Variants in HNF4G observed in about 807,000 individuals in gnomAD.
HNF4G encodes hepatocyte nuclear factor 4-gamma.
A neutral mutation model predicts 50.9 loss-of-function variants in HNF4G; 21 were observed. The ratio of observed to expected loss-of-function variants is 0.41; its 90% confidence interval spans 0.29 to 0.59. The LOEUF (loss-of-function observed/expected upper bound fraction) is 0.59, where lower values mean the gene tolerates loss of function less well. Among genes scored for constraint, HNF4G ranks in the 20% least tolerant of loss-of-function variants. The probability of loss-of-function intolerance (pLI) is 0.26; values close to 1 mark genes in which losing one functional copy is unlikely to be tolerated. For missense variants in HNF4G, 527 were observed against 559.4 expected (o/e 0.94, Z 0.58); for synonymous variants, 198 against 185.6 (o/e 1.07, Z -0.54).
At chr8:75,449,064 A>G (rs1811509456) in intron 1 of HNF4G, among the ~76,000 whole-genome samples, 1 of 152,162 alleles carries the variant, frequency 6.6e-6, no homozygotes, top group South Asian at 2.1e-4. Flanking sequence ...AAGGGCCCCA[A>G]AAAGTTGTTT....
chr8:75,436,170 A>G (rs1396495146), intron 1 of HNF4G, among the ~76,000 whole-genome samples: 2 of 152,220 alleles, frequency 1.3e-5, no homozygotes, highest in Non-Finnish European at 2.9e-5. Flanking sequence ...AATAAATTAA[A>G]AAATATATTG....
intron 9 of HNF4G, among the ~76,000 whole-genome samples, chr8:75,563,267 A>G (rs986141427): frequency 6.6e-6 from 1 of 152,190 alleles, no homozygotes; most frequent in Admixed American, 6.5e-5. Flanking sequence ...ATTTTACAAT[A>G]GAAAGAACTA....
Position 75,564,724 on chromosome 8 carries a change from C to A in HNF4G, c.*628C>A, listed in dbSNP as rs2941479. On this transcript the variant is annotated 3_prime_UTR_variant, in exon 10 of 10. Coordinates refer to ENST00000396423, the MANE Select transcript of HNF4G (RefSeq NM_004133.5). ...TGGATACTTTTTGAAATCTGACTTTCTTTGAAGATGTATGTTAAGCAAAAA... is the reference window on the plus strand; with the variant it reads ...TGGATACTTTTTGAAATCTGACTTTATTTGAAGATGTATGTTAAGCAAAAA... 0.64 allele frequency: 96,601 copies of A among 152,072 alleles called. 32,187 individuals are homozygous for A. The highest frequency in any genetic ancestry group is 0.84 in the African/African-American group (34,665 of 41,514). The allele number at this position is 152,072 out of a possible 1,614,324, so 9.4% of individuals were successfully genotyped here. A position where few individuals can be genotyped will look rare whatever the true frequency, so the allele number is the denominator to read the frequency against.
chr8:75,552,985 G>T (rs1807004990), intron 4 of HNF4G, 57 bp from the exon 5 acceptor site: 2 of 1,261,246 alleles, frequency 1.6e-6, no homozygotes, highest in African/African-American at 3.0e-5. Flanking sequence ...AGAAAAAAAG[G>T]GGAATGTTGG....
intron 1 of HNF4G, among the ~76,000 whole-genome samples, chr8:75,474,842 T>C (rs1049474953): frequency 6.6e-6 from 1 of 151,720 alleles, no homozygotes; most frequent in African/African-American, 2.4e-5. Flanking sequence ...GTATTACAGG[T>C]GCCTGCCACC....
chr8:75,531,141 T>C (rs903748896), intron 2 of HNF4G, among the ~76,000 whole-genome samples: 3 of 152,004 alleles, frequency 2.0e-5, no homozygotes, highest in African/African-American at 7.3e-5. Flanking sequence ...CAAGAACCCT[T>C]TGAGATAGAA....
chr8:75,560,802 T>C (rs1328803963), intron 9 of HNF4G, among the ~76,000 whole-genome samples: 3 of 152,124 alleles, frequency 2.0e-5, no homozygotes, highest in Non-Finnish European at 4.4e-5. Context: ...TAATAATCAA[T>C]GGGAAAATTA....
chr8:75,498,182 A>G (rs1331864613), intron 2 of HNF4G, among the ~76,000 whole-genome samples: 1 of 152,160 alleles, frequency 6.6e-6, no homozygotes, highest in South Asian at 2.1e-4. Context: ...ATTTTGAGGT[A>G]TATTATTCAA....
At chr8:75,552,947 TC>T in intron 4 of HNF4G, 94 bp from the exon 5 acceptor site, 1 of 770,030 alleles carries the variant, frequency 1.3e-6, no homozygotes, top group East Asian at 2.7e-5. Context: ...AGTGCCTACT[TC>T]TATGGCCTTT....
intron 2 of HNF4G, among the ~76,000 whole-genome samples, chr8:75,493,479 C>T (rs566842027): frequency 1.3e-5 from 2 of 152,092 alleles, no homozygotes; most frequent in East Asian, 3.9e-4. Flanking sequence ...AGAGATTGTC[C>T]ATTTGACTGC....
At chr8:75,543,023 A>G (rs1409325782) in intron 1 of HNF4G, among the ~76,000 whole-genome samples, 1 of 152,142 alleles carries the variant, frequency 6.6e-6, no homozygotes, top group Non-Finnish European at 1.5e-5. Context: ...CCTGGCCAAC[A>G]TGGTGAAACC....
At chr8:75,493,168 G>A (rs891369119) in intron 2 of HNF4G, among the ~76,000 whole-genome samples, 2 of 151,990 alleles carry the variant, frequency 1.3e-5, no homozygotes, top group African/African-American at 4.8e-5. Context: ...TTGGGAAGAA[G>A]GGAAAATCTC....
intron 6 of HNF4G, among the ~76,000 whole-genome samples, chr8:75,557,744 G>A (rs1807175310): frequency 6.6e-6 from 1 of 152,192 alleles, no homozygotes. Context: ...CTGTTACCCT[G>A]AGGATTGTCT....
intron 1 of HNF4G, among the ~76,000 whole-genome samples, chr8:75,418,727 T>C (rs1483089135): frequency 2.8e-5 from 4 of 144,926 alleles, no homozygotes; most frequent in Non-Finnish European, 4.5e-5. Flanking sequence ...TCTCTCTTTT[T>C]TTTTTTTTTT....
chr8:75,467,278 T>C (rs1467772278), intron 1 of HNF4G, among the ~76,000 whole-genome samples: 1 of 152,240 alleles, frequency 6.6e-6, no homozygotes, highest in Non-Finnish European at 1.5e-5. Flanking sequence ...CATTCTTTCT[T>C]CTGCTGTCCT....
chr8:75,541,644 T>C (rs1806626082), intron 1 of HNF4G, among the ~76,000 whole-genome samples: 1 of 152,134 alleles, frequency 6.6e-6, no homozygotes, highest in Non-Finnish European at 1.5e-5. Flanking sequence ...TTTTGTTAGC[T>C]ATACAATAAT....
intron 2 of HNF4G, among the ~76,000 whole-genome samples, chr8:75,547,017 T>G (rs990163692): frequency 6.6e-6 from 1 of 152,162 alleles, no homozygotes; most frequent in African/African-American, 2.4e-5. Context: ...TTTTTCCACA[T>G]CCTCACCAAC....
intron 1 of HNF4G, among the ~76,000 whole-genome samples, chr8:75,436,772 A>G (rs1292573874): frequency 6.6e-6 from 1 of 152,220 alleles, no homozygotes; most frequent in Non-Finnish European, 1.5e-5. Flanking sequence ...GTCCAGGCAC[A>G]GTGGCTCACA....
chr8:75,444,962 T>A (rs906544623), intron 1 of HNF4G, among the ~76,000 whole-genome samples: 2 of 146,138 alleles, frequency 1.4e-5, no homozygotes, highest in African/African-American at 5.2e-5. Context: ...GCACCCCAAA[T>A]CAACAGAATA....
Sources: gnomAD v4.1 joint callset for allele counts (sites outside exome capture counted in the v4.1 genomes callset) on GRCh38, gnomAD v4.1.1 for gene constraint, MANE v1.5 for transcripts, NCBI Gene and HGNC (gene_info 2026-07-23, HGNC 2026-07-21) for gene names.